Variants in KCNQ5 observed in about 807,000 individuals in gnomAD.
The protein encoded by KCNQ5 is potassium voltage-gated channel subfamily Q member 5, also known as potassium voltage-gated channel subfamily KQT member 5.
KCNQ5 carries 30 observed loss-of-function variants against 98.2 expected under a neutral mutation model. The observed-to-expected ratio is 0.31, with a 90% CI of 0.23 to 0.41. The LOEUF (loss-of-function observed/expected upper bound fraction) is 0.41, where lower values mean the gene tolerates loss of function less well. Among genes scored for constraint, KCNQ5 ranks in the 10% least tolerant of loss-of-function variants. The pLI is 1.00. For synonymous variants in KCNQ5, 458 were observed against 449.4 expected, an observed-to-expected ratio of 1.02 and a Z score of -0.24; for missense variants, 835 against 1,182.5, an observed-to-expected ratio of 0.71 and a Z score of 4.31.
At chr6:73,023,091 G>T (rs191198740) in intron 2 of KCNQ5, among the ~76,000 whole-genome samples, 1 of 152,192 alleles carries the variant, frequency 6.6e-6, no homozygotes, top group Non-Finnish European at 1.5e-5. Flanking sequence ...AGAAATGGAG[G>T]CTGCTGCATT....
chr6:72,979,610 C>T (rs1768333922), intron 1 of KCNQ5, among the ~76,000 whole-genome samples: 1 of 152,142 alleles, frequency 6.6e-6, no homozygotes, highest in African/African-American at 2.4e-5. Flanking sequence ...CAAAAATTTT[C>T]TCCCATTCTG....
chr6:72,750,508 G>A (rs778859720), intron 1 of KCNQ5, among the ~76,000 whole-genome samples: 3 of 151,946 alleles, frequency 2.0e-5, no homozygotes, highest in Non-Finnish European at 2.9e-5. Context: ...CTAGATGTCG[G>A]TTATAGACTG....
chr6:72,964,746 G>A (rs1767524632), intron 1 of KCNQ5, among the ~76,000 whole-genome samples: 1 of 152,018 alleles, frequency 6.6e-6, no homozygotes, highest in Non-Finnish European at 1.5e-5. Context: ...ATGTATTTAT[G>A]AGGTGAAATA....
intron 1 of KCNQ5, among the ~76,000 whole-genome samples, chr6:72,854,758 T>TTGTA (rs1777452068): frequency 7.9e-6 from 1 of 127,108 alleles, no homozygotes; most frequent in African/African-American, 3.0e-5. Context: ...ACACCATGGT[T>TTGTA]TGTGTGTGTG....
intron 1 of KCNQ5, among the ~76,000 whole-genome samples, chr6:72,737,513 A>G (rs1263824139): frequency 6.6e-6 from 1 of 152,066 alleles, no homozygotes; most frequent in African/African-American, 2.4e-5. Context: ...TGCAGTTAGA[A>G]GCATTTCCTG....
intron 9 of KCNQ5, among the ~76,000 whole-genome samples, chr6:73,131,667 A>G (rs1176964722): frequency 6.6e-6 from 1 of 152,162 alleles, no homozygotes; most frequent in Non-Finnish European, 1.5e-5. Context: ...TTGTTTAAAT[A>G]ATTGAAGGCT....
chr6:72,965,983 T>G (rs1767591079), intron 1 of KCNQ5, among the ~76,000 whole-genome samples: 1 of 152,248 alleles, frequency 6.6e-6, no homozygotes, highest in East Asian at 1.9e-4. Flanking sequence ...GAGGTTAAAG[T>G]GCCTGCCCAA....
intron 1 of KCNQ5, among the ~76,000 whole-genome samples, chr6:72,814,955 A>C (rs1775427062): frequency 6.6e-6 from 1 of 152,244 alleles, no homozygotes; most frequent in Non-Finnish European, 1.5e-5. Context: ...GAATTTGTGC[A>C]TAGAATCTTA....
intron 5 of KCNQ5, among the ~76,000 whole-genome samples, chr6:73,096,988 C>T (rs1319979731): frequency 6.6e-6 from 1 of 151,922 alleles, no homozygotes; most frequent in African/African-American, 2.4e-5. Context: ...TTGCGGTAAG[C>T]TGAGACCGTG....
At chr6:72,937,075 A>G (rs1206430622) in intron 1 of KCNQ5, among the ~76,000 whole-genome samples, 1 of 152,258 alleles carries the variant, frequency 6.6e-6, no homozygotes, top group African/African-American at 2.4e-5. Context: ...ATTCATATTG[A>G]TAAATTACAC....
At chr6:72,718,857 C>T (rs1769801331) in intron 1 of KCNQ5, among the ~76,000 whole-genome samples, 1 of 152,182 alleles carries the variant, frequency 6.6e-6, no homozygotes, top group South Asian at 2.1e-4. Context: ...TTATAGGTTC[C>T]ATTTTAAGCC....
intron 1 of KCNQ5, among the ~76,000 whole-genome samples, chr6:72,852,430 A>G (rs1375971485): frequency 3.3e-5 from 5 of 151,592 alleles, no homozygotes; most frequent in Non-Finnish European, 7.4e-5. Context: ...TTATTCAGCC[A>G]TAAAAATAAT....
chr6:73,126,322 T>C (rs1775986688), intron 9 of KCNQ5, among the ~76,000 whole-genome samples: 3 of 152,168 alleles, frequency 2.0e-5, no homozygotes, highest in Admixed American at 1.3e-4. Context: ...GTAAATGACA[T>C]GGAGGTGCTT....
chr6:72,657,862 C>T (rs762383055), intron 1 of KCNQ5, among the ~76,000 whole-genome samples: 5 of 152,184 alleles, frequency 3.3e-5, no homozygotes, highest in Admixed American at 1.3e-4. Context: ...ACTTGTTATT[C>T]GTACTTTGTG....
chr6:73,160,721 GA>G, intron 10 of KCNQ5, among the ~76,000 whole-genome samples: 1 of 152,240 alleles, frequency 6.6e-6, no homozygotes, highest in Non-Finnish European at 1.5e-5. Flanking sequence ...AGCTCTGGCT[GA>G]GGGAGACCAG....
chr6:72,812,565 C>T (rs527962426), intron 1 of KCNQ5, among the ~76,000 whole-genome samples: 2 of 152,132 alleles, frequency 1.3e-5, no homozygotes, highest in East Asian at 1.9e-4. Flanking sequence ...CAGGGGACCT[C>T]GGAATTGCCA....
intron 1 of KCNQ5, among the ~76,000 whole-genome samples, chr6:72,628,204 A>G (rs1438222630): frequency 6.6e-6 from 1 of 152,228 alleles, no homozygotes; most frequent in Non-Finnish European, 1.5e-5. Flanking sequence ...GGGTGAGCCG[A>G]AGCTGAAAGA....
chr6:73,016,372 TG>T (rs1035551551), intron 2 of KCNQ5, among the ~76,000 whole-genome samples: 1 of 151,942 alleles, frequency 6.6e-6, no homozygotes, highest in Non-Finnish European at 1.5e-5. Context: ...TTGGGAGAAG[TG>T]GAGAAAATGA....
At chr6:73,179,173 A>G (rs1369994578) in intron 11 of KCNQ5, among the ~76,000 whole-genome samples, 3 of 152,166 alleles carry the variant, frequency 2.0e-5, no homozygotes, top group Non-Finnish European at 4.4e-5. Context: ...GTTTATAACA[A>G]TATCTGAAAC....
Sources: gnomAD v4.1 joint callset for allele counts (sites outside exome capture counted in the v4.1 genomes callset) on GRCh38, gnomAD v4.1.1 for gene constraint, MANE v1.5 for transcripts, NCBI Gene and HGNC (gene_info 2026-07-23, HGNC 2026-07-21) for gene names.